Variants in ATAD2B observed in about 807,000 individuals in gnomAD.
ATAD2B encodes ATPase family AAA domain containing 2B, also known as ATPase family AAA domain-containing protein 2B.
In ATAD2B, 40 loss-of-function variants were observed where a neutral mutation model predicts 167.6. That is an observed-to-expected ratio of 0.24 (90% confidence interval 0.19 to 0.31). The LOEUF (loss-of-function observed/expected upper bound fraction) is 0.31. Among genes scored for constraint, ATAD2B ranks in the 10% least tolerant of loss-of-function variants. The probability of loss-of-function intolerance (pLI) is 1.00; values close to 1 mark genes in which losing one functional copy is unlikely to be tolerated. For missense variants in ATAD2B, 1,242 were observed against 1,757.2 expected (o/e 0.71, Z 5.24); for synonymous variants, 579 against 596.5 (o/e 0.97, Z 0.43).
At chr2:23,729,667 A>T in the ATAD2B span, among the ~76,000 whole-genome samples, 12 of 152,196 alleles carry the variant, frequency 7.9e-5, no homozygotes, top group African/African-American at 2.9e-4. Context: ...CATACATGGA[A>T]AGATGAAAGT....
chr2:23,769,760 G>A (rs1209478711), intron 22 of ATAD2B, among the ~76,000 whole-genome samples: 1 of 139,318 alleles, frequency 7.2e-6, no homozygotes, highest in Non-Finnish European at 1.5e-5. Context: ...CTGTCGCCCA[G>A]GCTGGAGTGC....
chr2:23,758,181 C>G (rs1676174723), intron 24 of ATAD2B, 80 bp from the exon 25 acceptor site: 10 of 1,177,984 alleles, frequency 8.5e-6, no homozygotes, highest in African/African-American at 6.2e-5. Flanking sequence ...AAACAGGACC[C>G]AAAAGAAAGT....
At position 23,749,096 on chromosome 2, in the gene ATAD2B, C is replaced by T. The variant is rs776579270; in HGVS notation, c.*2950G>A. The T allele has an allele frequency of 1.4e-4, 22 of 151,932 alleles. No individual in the cohort carries two copies. Among genetic ancestry groups the T allele is most frequent in the Non-Finnish European group, 3.2e-4 (22 of 67,966 alleles). The allele number at this position is 151,932 out of a possible 1,614,324, so 9.4% of individuals were successfully genotyped here. On this transcript the variant is annotated 3_prime_UTR_variant, in exon 28 of 28. Transcript: ENST00000238789. Reference sequence around the variant, plus strand: ...TAATCAAAAAAGGGAAGAAATTACCCACTCCCTAAAAATAAAATCCAGTAA... The same window carrying T: ...TAATCAAAAAAGGGAAGAAATTACCTACTCCCTAAAAATAAAATCCAGTAA...
intron 13 of ATAD2B, among the ~76,000 whole-genome samples, chr2:23,848,967 A>T (rs1189027841): frequency 6.6e-6 from 1 of 152,168 alleles, no homozygotes; most frequent in Non-Finnish European, 1.5e-5. Flanking sequence ...TATATATTAT[A>T]CCTCAATAAA....
chr2:23,873,122 T>A (rs926769253), intron 8 of ATAD2B: 5 of 391,850 alleles, frequency 1.3e-5, no homozygotes, highest in Non-Finnish European at 1.9e-5. Flanking sequence ...ATATTTATCC[T>A]CTCCTCTACT....
intron 12 of ATAD2B, among the ~76,000 whole-genome samples, chr2:23,862,183 C>T (rs1343769250): frequency 2.0e-5 from 3 of 149,438 alleles, no homozygotes; most frequent in South Asian, 2.1e-4. Flanking sequence ...GGTGACAGAG[C>T]GTGACCCTTT....
the ATAD2B span, among the ~76,000 whole-genome samples, chr2:23,722,043 G>A: frequency 1.3e-5 from 2 of 152,198 alleles, no homozygotes; most frequent in Non-Finnish European, 2.9e-5. Flanking sequence ...TGTCTACCTA[G>A]AACCAAGGCC....
intron 17 of ATAD2B, among the ~76,000 whole-genome samples, chr2:23,815,867 T>C (rs1686361791): frequency 6.6e-6 from 1 of 152,206 alleles, no homozygotes; most frequent in Non-Finnish European, 1.5e-5. Context: ...CCCATAGTAC[T>C]TATCTTCTAA....
chr2:23,864,999 GTC>G, intron 10 of ATAD2B, 75 bp from the exon 11 acceptor site: 1 of 844,356 alleles, frequency 1.2e-6, no homozygotes, highest in Non-Finnish European at 1.8e-6. Flanking sequence ...TTATAAAAGA[GTC>G]TTACGATTCA....
chr2:23,698,141 G>T, the ATAD2B span, among the ~76,000 whole-genome samples: 1 of 152,186 alleles, frequency 6.6e-6, no homozygotes, highest in African/African-American at 2.4e-5. Context: ...CCTTCCCTGG[G>T]GGGCAAGGCC....
chr2:23,870,284 A>ATTTTTT (rs1376127060), intron 8 of ATAD2B, among the ~76,000 whole-genome samples: 1 of 95,944 alleles, frequency 1.0e-5, no homozygotes, highest in African/African-American at 3.5e-5. Flanking sequence ...TCAGTAACCA[A>ATTTTTT]CTTTTTTTTT....
At chr2:23,866,231 T>C (rs1425670211) in intron 10 of ATAD2B, among the ~76,000 whole-genome samples, 1 of 151,794 alleles carries the variant, frequency 6.6e-6, no homozygotes, top group African/African-American at 2.4e-5. Context: ...CATGGAAAAA[T>C]CCCGTCTACT....
the ATAD2B span, among the ~76,000 whole-genome samples, chr2:23,687,550 C>T: frequency 6.6e-6 from 1 of 152,198 alleles, no homozygotes; most frequent in African/African-American, 2.4e-5. Flanking sequence ...CACCAAACAC[C>T]AGCTGAGCCC....
chr2:23,858,489 CTTT>C (rs34177847), intron 12 of ATAD2B, among the ~76,000 whole-genome samples: 1 of 134,410 alleles, frequency 7.4e-6, no homozygotes. Flanking sequence ...CTGTCTCATT[CTTT>C]TTTTTTTTTT....
At chr2:23,798,454 A>G (rs1682942668) in intron 18 of ATAD2B, 131 bp from the exon 19 acceptor site, 1 of 660,074 alleles carries the variant, frequency 1.5e-6, no homozygotes, top group South Asian at 2.8e-5. Flanking sequence ...ATTTAAGTTC[A>G]AGATATGATG....
At chr2:23,712,236 C>T in the ATAD2B span, among the ~76,000 whole-genome samples, 2 of 152,200 alleles carry the variant, frequency 1.3e-5, no homozygotes, top group South Asian at 2.1e-4. Flanking sequence ...CAATCCTCCT[C>T]CCCAGGCTAC....
At chr2:23,726,366 G>T in the ATAD2B span, among the ~76,000 whole-genome samples, 1 of 152,170 alleles carries the variant, frequency 6.6e-6, no homozygotes, top group East Asian at 1.9e-4. Context: ...ATAAACAGTT[G>T]ATTAATATAT....
At position 23,786,113 on chromosome 2, in the gene ATAD2B, A is replaced by G; in HGVS notation, c.2887T>C (p.Leu963=). The part of the protein sequence containing the change: ...EDQEENTLRE[L]RLFLRDVTKR... ...GTTACATCCCTGAGAAACAACCGCA[A>G]CTCTCTTAAAGTATTTTCCTCCTGG... Residue 963 remains leucine (L), a synonymous_variant, in exon 21 of 28, where the codon TTG becomes CTG. Coordinates refer to ENST00000238789, the MANE Select transcript of ATAD2B (RefSeq NM_017552.4). The G allele has an allele frequency of 6.2e-7, 1 of 1,610,814 alleles. No individual in the cohort carries two copies. Among genetic ancestry groups the G allele is most frequent in the South Asian group, 1.1e-5 (1 of 90,352 alleles).
intron 13 of ATAD2B, among the ~76,000 whole-genome samples, chr2:23,836,521 C>G (rs1262495695): frequency 1.3e-5 from 2 of 152,152 alleles, no homozygotes; most frequent in Non-Finnish European, 1.5e-5. Flanking sequence ...TCTGACAGGT[C>G]CCGAGTTCTT....
Sources: gnomAD v4.1 joint callset for allele counts (sites outside exome capture counted in the v4.1 genomes callset) on GRCh38, gnomAD v4.1.1 for gene constraint, MANE v1.5 for transcripts, NCBI Gene and HGNC (gene_info 2026-07-23, HGNC 2026-07-21) for gene names.